The following SPATA6L variants were observed in gnomAD, a reference collection of about 807,000 sequenced individuals.
SPATA6L encodes spermatogenesis associated 6 like.
SPATA6L carries 68 observed loss-of-function variants against 49.2 expected under a neutral mutation model. The ratio of observed to expected loss-of-function variants is 1.38; its 90% CI spans 1.14 to 1.69. SPATA6L has a LOEUF of 1.69. Ranked by LOEUF, SPATA6L falls within the 40% of genes most tolerant of loss-of-function variation. The probability of loss-of-function intolerance (pLI) is 0.00; values close to 1 mark genes in which losing one functional copy is unlikely to be tolerated. For missense variants in SPATA6L, 668 were observed against 464.3 expected, an observed-to-expected ratio of 1.44 and a Z score of -4.03; for synonymous variants, 198 against 165.7, an observed-to-expected ratio of 1.19 and a Z score of -1.50.
intron 7 of SPATA6L, among the ~76,000 whole-genome samples, chr9:4,621,449 C>A (rs1829270014): frequency 1.3e-5 from 2 of 152,064 alleles, no homozygotes; most frequent in African/African-American, 2.4e-5. Context: ...ACAATGATGT[C>A]ATGACATCAC....
Position 4,604,199 on chromosome 9 carries a change from T to C in SPATA6L, c.1160A>G (p.His387Arg), listed in dbSNP as rs201496917. ...AGTACCTTAAAAATATCTCTGTTCA[T>C]GCAGTGAGTATTTCTTCAGAGGGTA... The part of the protein sequence containing the change: ...PSYPLKKYSL[H>R]EQRYF Residue 387 changes from histidine (H) to arginine (R), a missense_variant, in exon 11 of 12, where the codon CAT becomes CGT. Physicochemically the swap from His to Arg is conservative, Grantham distance 29. Transcript: ENST00000682582. 1.4e-5 allele frequency: 22 copies of C among 1,611,378 alleles called. No homozygotes were observed. Among genetic ancestry groups the C allele is most frequent in the African/African-American group, 8.0e-5 (6 of 74,874 alleles).
At chr9:4,605,923 C>T (rs1222159015) in intron 9 of SPATA6L, among the ~76,000 whole-genome samples, 1 of 152,198 alleles carries the variant, frequency 6.6e-6, no homozygotes, top group East Asian at 1.9e-4. Context: ...CTAGGGAGTG[C>T]CAGACAGTGG....
Position 4,599,339 on chromosome 9 carries a change from ATTTTG to A in SPATA6L, c.*1467_*1471del, listed in dbSNP as rs1822698188. 2.0e-5 allele frequency among the ~76,000 whole-genome samples: 3 copies of A among 152,124 alleles called. No homozygotes were observed. Among genetic ancestry groups the A allele is most frequent in the African/African-American group, 7.2e-5 (3 of 41,428 alleles). On this transcript the variant is annotated 3_prime_UTR_variant, in exon 12 of 12. Coordinates refer to ENST00000682582, the MANE Select transcript of SPATA6L (RefSeq NM_001353486.2). ...GAAATTCTAAGAAGAGGATAAATGA[ATTTTG>A]TTTTGTTGTTTTTGTTTTTGGAGTT...
In SPATA6L at chr9:4,635,381, T is replaced by C; in HGVS notation, c.245A>G (p.Tyr82Cys). The change falls in exon 4 of 12, where the codon TAC (tyrosine) becomes TGC (cysteine). Residue 82 changes from tyrosine (Y) to cysteine (C), a missense_variant. Coordinates refer to ENST00000682582, the MANE Select transcript of SPATA6L (RefSeq NM_001353486.2). ...AAAATCTCGTGTGTTTTCTTCGTAG[T>C]AGGCCAACTCATCCCACACTAGAAA... ...DLLEMWDELA[Y>C]YEENTRDFLF... 1 of 1,589,990 alleles carries C rather than the reference T, an allele frequency of 6.3e-7. No individual in the cohort carries two copies. The highest frequency in any genetic ancestry group is 1.1e-5 in the South Asian group (1 of 87,200).
chr9:4,644,183 CAAAAAAAAAAAAAAAAAAAAAA>C (rs58325546), intron 3 of SPATA6L, among the ~76,000 whole-genome samples: 22 of 45,718 alleles, frequency 4.8e-4, no homozygotes, highest in East Asian at 2.5e-3. Flanking sequence ...GCCATCTCTG[CAAAAAAAAAAAAAAAAAAAAAA>C]AAAAAAAAAA....
intron 3 of SPATA6L, among the ~76,000 whole-genome samples, chr9:4,638,809 G>A (rs1281847937): frequency 6.7e-6 from 1 of 149,396 alleles, no homozygotes; most frequent in Non-Finnish European, 1.5e-5. Flanking sequence ...TTTTGAGATG[G>A]AGTCTCGCCC....
At chr9:4,639,081 C>G (rs1197691981) in intron 3 of SPATA6L, among the ~76,000 whole-genome samples, 2 of 152,164 alleles carry the variant, frequency 1.3e-5, no homozygotes, top group African/African-American at 4.8e-5. Flanking sequence ...ATTGCACCTG[C>G]CCTTTAAGAC....
chr9:4,599,311 G>T lies in SPATA6L; in HGVS notation c.*1500C>A, dbSNP rs73383485. ...TTCAACTTGGATATACCTTTATTTG[G>T]CTGAAATTCTAAGAAGAGGATAAAT... is the stretch of plus-strand genomic sequence containing the variant. On this transcript the variant is annotated 3_prime_UTR_variant, in exon 12 of 12. Transcript: ENST00000682582. 0.033 allele frequency among the ~76,000 whole-genome samples: 5,081 copies of T among 152,176 alleles called. 296 individuals are homozygous for T. Among genetic ancestry groups the T allele is most frequent in the African/African-American group, 0.12 (4,810 of 41,508 alleles).
At chr9:4,595,154 GCTGA>G (rs1336555636), downstream of SPATA6L, among the ~76,000 whole-genome samples, 6 of 152,108 alleles carry the variant, frequency 3.9e-5, no homozygotes, top group Admixed American at 2.0e-4. Context: ...ACCTCATTCT[GCTGA>G]CTAAGTAGTT....
intron 9 of SPATA6L, among the ~76,000 whole-genome samples, chr9:4,606,883 C>T (rs199727694): frequency 0.15 from 18,971 of 129,594 alleles, 2,873 homozygotes; most frequent in African/African-American, 0.39. Context: ...GGCAAAGAAG[C>T]TGAAAACTTT....
chr9:4,618,729 A>T, intron 8 of SPATA6L, 135 bp downstream of exon 8: 1 of 835,676 alleles, frequency 1.2e-6, no homozygotes, highest in Non-Finnish European at 1.9e-6. Context: ...GCACATCTTC[A>T]TACAAACACT....
chr9:4,646,539 A>G, intron 3 of SPATA6L: 2 of 1,494,582 alleles, frequency 1.3e-6, no homozygotes, highest in South Asian at 1.4e-5. Context: ...CTAAAAAGGA[A>G]AAAATGAGAT....
Position 4,635,358 on chromosome 9 carries a change from A to T in SPATA6L, c.268T>A (p.Phe90Ile). The T allele has an allele frequency of 6.3e-7, 1 of 1,590,936 alleles. No homozygotes were observed. ...GTCAGCTTGGGCTCTGGGAAAAGAA[A>T]ATCTCGTGTGTTTTCTTCGTAGTAG... The part of the protein sequence containing the change: ...LAYYEENTRD[F>I]LFPEPKLTPS... The change falls in exon 4 of 12, where the codon TTT (phenylalanine) becomes ATT (isoleucine). Residue 90 changes from phenylalanine (F) to isoleucine (I), a missense_variant. Transcript: ENST00000682582.
At chr9:4,629,023 C>A (rs767767300) in intron 5 of SPATA6L, 68 bp downstream of exon 5, 61 of 1,164,142 alleles carry the variant, frequency 5.2e-5, no homozygotes, top group South Asian at 8.3e-5. Flanking sequence ...TGAGTTTGGG[C>A]AAAAATTCTT....
At chr9:4,612,717 T>A (rs1036336134) in intron 9 of SPATA6L, among the ~76,000 whole-genome samples, 1 of 152,100 alleles carries the variant, frequency 6.6e-6, no homozygotes, top group African/African-American at 2.4e-5. Flanking sequence ...CAGGGCAGAG[T>A]AGGAACTGAA....
intron 2 of SPATA6L, among the ~76,000 whole-genome samples, chr9:4,657,561 G>A (rs79609930): frequency 6.6e-6 from 1 of 151,488 alleles, no homozygotes; most frequent in Non-Finnish European, 1.5e-5. Flanking sequence ...AAAAAGAAAA[G>A]AAAAAAAACT....
chr9:4,662,686 G>A lies in SPATA6L; in HGVS notation c.40-650C>T, dbSNP rs776198696. 1.9e-6 allele frequency: 3 copies of A among 1,600,814 alleles called. No individual in the cohort carries two copies. The highest frequency in any genetic ancestry group is 1.7e-5 in the Admixed American group (1 of 60,018). The stretch of plus-strand genomic sequence containing the variant: ...CCGTCCTTCCTGGGCATCGCCCTGC[G>A]CTCCCTGCTGGCCATCGACCTGTGG... On this transcript the variant is annotated intron_variant, in intron 1 of 11. Transcript: ENST00000682582. This position sits in a 1 kb window ranked among gnomAD's most constrained non-coding sequence, Gnocchi z 4.9.
downstream of SPATA6L, among the ~76,000 whole-genome samples, chr9:4,597,834 G>A (rs1476503925): frequency 2.0e-5 from 3 of 152,130 alleles, no homozygotes; most frequent in East Asian, 1.9e-4. Context: ...TGGGTTCTCT[G>A]GTCACAGCAT....
chr9:4,636,441 G>T (rs1211018884), intron 3 of SPATA6L, among the ~76,000 whole-genome samples: 1 of 152,018 alleles, frequency 6.6e-6, no homozygotes, highest in Non-Finnish European at 1.5e-5. Flanking sequence ...AAAGATCTTG[G>T]GTCTAATGGG....
Sources: gnomAD v4.1 joint callset for allele counts (sites outside exome capture counted in the v4.1 genomes callset) on GRCh38, gnomAD v4.1.1 for gene constraint, Gnocchi (gnomAD v3.1) non-coding constraint, MANE v1.5 for transcripts, NCBI Gene and HGNC (gene_info 2026-07-23, HGNC 2026-07-21) for gene names.